The following SHROOM3 variants were observed in gnomAD, a reference collection of about 807,000 sequenced individuals.
SHROOM3 encodes protein Shroom3.
SHROOM3 carries 47 observed loss-of-function variants against 138.6 expected under a neutral mutation model. That is an observed-to-expected ratio of 0.34 (90% CI 0.27 to 0.43). The LOEUF (loss-of-function observed/expected upper bound fraction) is 0.43. Ranked by LOEUF, SHROOM3 falls within the 20% of genes least tolerant of loss-of-function variation. The pLI, the probability that SHROOM3 is intolerant of heterozygous loss-of-function variation, is 1.00. For synonymous variants in SHROOM3, 1,062 were observed against 1,063.3 expected, an observed-to-expected ratio of 1.00 and a Z score of 0.02; for missense variants, 2,491 against 2,596.5, an observed-to-expected ratio of 0.96 and a Z score of 0.88.
At chr4:76,471,358 C>G (rs1465787814) in intron 1 of SHROOM3, among the ~76,000 whole-genome samples, 3 of 151,898 alleles carry the variant, frequency 2.0e-5, no homozygotes, top group Non-Finnish European at 2.9e-5. Context: ...ATTCTCCTGC[C>G]TCAGCCTCCT....
Position 76,563,249 on chromosome 4 carries a change from C to G in SHROOM3, c.323+7486C>G, listed in dbSNP as rs187153251. Reference sequence around the variant, plus strand: ...CTGACCACATTCTCTGATGATTGCTCTATTTAATGGCACTGATTTGACTCA... The same window carrying G: ...CTGACCACATTCTCTGATGATTGCTGTATTTAATGGCACTGATTTGACTCA... On this transcript the variant is annotated intron_variant, in intron 2 of 10. Coordinates refer to ENST00000296043, the MANE Select transcript of SHROOM3 (RefSeq NM_020859.4). 2.6e-5 allele frequency among the ~76,000 whole-genome samples: 4 copies of G among 152,284 alleles called. No individual in the cohort carries two copies. In the South Asian group the frequency reaches 6.2e-4, roughly 24 times the overall value.
intron 2 of SHROOM3, among the ~76,000 whole-genome samples, chr4:76,671,622 G>C (rs999272682): frequency 1.3e-5 from 2 of 152,046 alleles, no homozygotes; most frequent in Non-Finnish European, 2.9e-5. Flanking sequence ...TCCAGTTTAG[G>C]GGGCCTTCCT....
At chr4:76,440,984 T>C (rs1445943970) in intron 1 of SHROOM3, among the ~76,000 whole-genome samples, 1 of 151,910 alleles carries the variant, frequency 6.6e-6, no homozygotes, top group Non-Finnish European at 1.5e-5. Context: ...ACTCACTGAC[T>C]CTATTTCATC....
At chr4:76,529,937 G>A (rs1282875888) in intron 1 of SHROOM3, among the ~76,000 whole-genome samples, 1 of 152,198 alleles carries the variant, frequency 6.6e-6, no homozygotes, top group Non-Finnish European at 1.5e-5. Flanking sequence ...GTGATTTGGA[G>A]TGATTTTCTC....
intron 9 of SHROOM3, among the ~76,000 whole-genome samples, chr4:76,764,657 G>T (rs1302780373): frequency 6.6e-6 from 1 of 152,158 alleles, no homozygotes; most frequent in African/African-American, 2.4e-5. Flanking sequence ...TTTTCTTTCA[G>T]TACTTAACAA....
At chr4:76,508,251 C>T (rs932751390) in intron 1 of SHROOM3, among the ~76,000 whole-genome samples, 2 of 152,090 alleles carry the variant, frequency 1.3e-5, no homozygotes, top group African/African-American at 4.8e-5. Context: ...AGCTAAGGGT[C>T]CAGCTTTTTC....
At chr4:76,446,613 G>A (rs987986256) in intron 1 of SHROOM3, among the ~76,000 whole-genome samples, 5 of 152,172 alleles carry the variant, frequency 3.3e-5, no homozygotes, top group African/African-American at 1.2e-4. Flanking sequence ...TACTCAAGGA[G>A]AAATACTAGA....
chr4:76,767,561 C>T (rs1351066039), intron 9 of SHROOM3, among the ~76,000 whole-genome samples: 1 of 152,074 alleles, frequency 6.6e-6, no homozygotes, highest in African/African-American at 2.4e-5. Context: ...CCAGTAATCC[C>T]AGCTACTCGG....
Position 76,739,968 on chromosome 4 carries a change from C to T in SHROOM3, c.1795C>T (p.His599Tyr). The T allele has an allele frequency of 2.5e-6, 4 of 1,614,154 alleles. No homozygotes were observed. The highest frequency in any genetic ancestry group is 2.5e-6 in the Non-Finnish European group (3 of 1,180,046). Reference protein sequence around the residue: ...KSTHSNKPSSHPHSLKCPQAQ... With the variant: ...KSTHSNKPSSYPHSLKCPQAQ... ...CACCCACAGTAACAAACCATCTTCT[C>T]ATCCCCACAGCCTCAAATGCCCTCA... Residue 599 changes from histidine (H) to tyrosine (Y), a missense_variant, in exon 5 of 11, where the codon CAT (histidine) becomes TAT (tyrosine). Around this residue, in one of 4 missense-constraint regions of SHROOM3, gnomAD observed 1,733 missense variants for 1,661.6 expected, o/e 1.04. Coordinates refer to ENST00000296043, the MANE Select transcript of SHROOM3 (RefSeq NM_020859.4).
chr4:76,680,156 T>C (rs1719148325), intron 2 of SHROOM3, among the ~76,000 whole-genome samples: 1 of 151,900 alleles, frequency 6.6e-6, no homozygotes, highest in Non-Finnish European at 1.5e-5. Context: ...TTTTTTTTTT[T>C]TTGAGACGGA....
chr4:76,497,889 GATAAA>G (rs1008524006), intron 1 of SHROOM3, among the ~76,000 whole-genome samples: 21 of 152,174 alleles, frequency 1.4e-4, no homozygotes, highest in East Asian at 1.9e-4. Flanking sequence ...ATAATAAAAA[GATAAA>G]ATAAAATAAA....
rs1010953009 is a variant in SHROOM3 at position 76,741,699 on chromosome 4, G to A, written c.3526G>A (p.Gly1176Ser). Reference protein sequence around the residue: ...APRDRSSSFAGGRRLGERRRG... With the variant: ...APRDRSSSFASGRRLGERRRG... ...CCGAGATCGCAGCAGCTCCTTCGCC[G>A]GTGGCCGCCGCCTCGGGGAACGGCG... is the stretch of plus-strand genomic sequence containing the variant. The change falls in exon 5 of 11, where the codon GGT becomes AGT. Residue 1176 changes from glycine (G) to serine (S), a missense_variant. Transcript: ENST00000296043. This position sits in a 1 kb window ranked among gnomAD's most constrained non-coding sequence, Gnocchi z 6.2. The A allele has an allele frequency of 1.3e-6, 2 of 1,552,248 alleles. No individual in the cohort carries two copies. The highest frequency in any genetic ancestry group is 4.8e-5 in the East Asian group (2 of 41,358).
chr4:76,525,113 C>T lies in SHROOM3; in HGVS notation c.169-30496C>T, dbSNP rs530812540. On this transcript the variant is annotated intron_variant, in intron 1 of 10. Coordinates refer to ENST00000296043, the MANE Select transcript of SHROOM3 (RefSeq NM_020859.4). ...CATTTGGTATTTGTATTAGTCTGTT[C>T]TTATGCTGCTCTAAAGAACTGCCCA... 2.9e-4 allele frequency among the ~76,000 whole-genome samples: 44 copies of T among 152,260 alleles called. 1 individual carries two copies. The South Asian group carries it at 9.1e-3, about 32-fold the overall frequency.
chr4:76,565,159 TCAAAAAA>T (rs1275619967), intron 2 of SHROOM3, among the ~76,000 whole-genome samples: 1 of 75,684 alleles, frequency 1.3e-5, no homozygotes, highest in Non-Finnish European at 2.7e-5. Context: ...AGACTCCATT[TCAAAAAA>T]AAAAAAAAAA....
intron 9 of SHROOM3, among the ~76,000 whole-genome samples, chr4:76,767,448 G>C (rs1017616419): frequency 6.6e-6 from 1 of 152,190 alleles, no homozygotes; most frequent in Non-Finnish European, 1.5e-5. Context: ...GGAGGCCAAG[G>C]CAGGTGAATA....
At chr4:76,669,877 G>A (rs1331722705) in intron 2 of SHROOM3, among the ~76,000 whole-genome samples, 1 of 152,170 alleles carries the variant, frequency 6.6e-6, no homozygotes, top group Non-Finnish European at 1.5e-5. Context: ...GGAAACTAAG[G>A]TTCCACATCC....
chr4:76,692,285 G>A (rs1024074269), intron 2 of SHROOM3, among the ~76,000 whole-genome samples: 1 of 152,222 alleles, frequency 6.6e-6, no homozygotes, highest in Non-Finnish European at 1.5e-5. Context: ...AGGAATAGGG[G>A]CATGAACAAT....
At chr4:76,536,837 G>T (rs1197305014) in intron 1 of SHROOM3, among the ~76,000 whole-genome samples, 1 of 152,164 alleles carries the variant, frequency 6.6e-6, no homozygotes, top group African/African-American at 2.4e-5. Context: ...GCAAGGCTGG[G>T]CGTGATGGCT....
At chr4:76,520,198 T>C (rs1237953383) in intron 1 of SHROOM3, among the ~76,000 whole-genome samples, 2 of 152,214 alleles carry the variant, frequency 1.3e-5, no homozygotes, top group Non-Finnish European at 2.9e-5. Context: ...TAATTTATAC[T>C]CTTTGATATT....
Sources: gnomAD v4.1 joint callset for allele counts (sites outside exome capture counted in the v4.1 genomes callset) on GRCh38, gnomAD v4.1.1 for gene constraint, gnomAD v4.1.1 regional missense constraint, Gnocchi (gnomAD v3.1) non-coding constraint, MANE v1.5 for transcripts, NCBI Gene and HGNC (gene_info 2026-07-23, HGNC 2026-07-21) for gene names.